The following DDX60 variants were observed in gnomAD, a reference collection of about 807,000 sequenced individuals.
DDX60 encodes the protein DExD/H-box helicase 60, also known as probable ATP-dependent RNA helicase DDX60.
In DDX60, 165 loss-of-function variants were observed where a neutral mutation model predicts 212.8. The ratio of observed to expected loss-of-function variants is 0.78; its 90% CI spans 0.68 to 0.88. The LOEUF is 0.88. DDX60 is among the 40% of genes least tolerant of loss of function. The probability of loss-of-function intolerance (pLI) is 0.00; values close to 1 mark genes in which losing one functional copy is unlikely to be tolerated. For missense variants in DDX60, 1,905 were observed against 2,003.9 expected, an observed-to-expected ratio of 0.95 and a Z score of 0.94; for synonymous variants, 703 against 685.3, an observed-to-expected ratio of 1.03 and a Z score of -0.40.
intron 22 of DDX60, among the ~76,000 whole-genome samples, chr4:168,267,271 C>A (rs1312913889): frequency 6.6e-6 from 1 of 152,090 alleles, no homozygotes; most frequent in Non-Finnish European, 1.5e-5. Flanking sequence ...GAGGGGTAGA[C>A]AGACAGACAT....
At chr4:168,274,796 T>G (rs941061671) in intron 16 of DDX60, among the ~76,000 whole-genome samples, 49 of 152,222 alleles carry the variant, frequency 3.2e-4, no homozygotes, top group Admixed American at 3.1e-3. Context: ...TCTATTAGAC[T>G]GAAGCTATAA....
At chr4:168,241,308 T>C (rs1733829114) in intron 30 of DDX60, among the ~76,000 whole-genome samples, 1 of 152,198 alleles carries the variant, frequency 6.6e-6, no homozygotes, top group Non-Finnish European at 1.5e-5. Context: ...GCTGAAAAGA[T>C]ACCTGAAAAT....
At chr4:168,235,923 C>T (rs755360109) in intron 33 of DDX60, 6 of 240,170 alleles carry the variant, frequency 2.5e-5, no homozygotes, top group African/African-American at 4.7e-5. Context: ...ACAGTATATT[C>T]GGTGATACAG....
At chr4:168,280,689 AC>A in intron 13 of DDX60, 99 bp from the exon 14 acceptor site, 1 of 1,320,050 alleles carries the variant, frequency 7.6e-7, no homozygotes, top group Non-Finnish European at 1.0e-6. Context: ...GAAGACTTTG[AC>A]CATCATCCCA....
chr4:168,275,622 T>G (rs1735300464), intron 15 of DDX60, 119 bp from the exon 16 acceptor site: 2 of 821,632 alleles, frequency 2.4e-6, no homozygotes, highest in East Asian at 5.8e-5. Flanking sequence ...CCTTTTAAAT[T>G]TAAATTTTTT....
intron 28 of DDX60, 57 bp from the exon 29 acceptor site, chr4:168,248,349 AT>A: frequency 7.7e-7 from 1 of 1,301,784 alleles, no homozygotes; most frequent in Non-Finnish European, 1.1e-6. Context: ...GAATGCAAGT[AT>A]TTCCTGTCAT....
At chr4:168,233,078 A>T (rs1733511672) in intron 33 of DDX60, among the ~76,000 whole-genome samples, 1 of 152,184 alleles carries the variant, frequency 6.6e-6, no homozygotes, top group African/African-American at 2.4e-5. Context: ...AAAAGAAAAT[A>T]TATAAATGGC....
chr4:168,314,003 C>G (rs1262920066), intron 1 of DDX60, among the ~76,000 whole-genome samples: 1 of 152,158 alleles, frequency 6.6e-6, no homozygotes, highest in Admixed American at 6.5e-5. Context: ...ATTTGACAAT[C>G]AAGGGATTCC....
At chr4:168,250,808 A>T in intron 28 of DDX60, 146 bp downstream of exon 28, 2 of 645,316 alleles carry the variant, frequency 3.1e-6, no homozygotes, top group South Asian at 4.3e-5. Context: ...TATAGGTATG[A>T]CCCATCACGC....
In DDX60 at chr4:168,261,999, C is replaced by T. The variant is rs1734642286; in HGVS notation, c.3273+1G>A. The stretch of plus-strand genomic sequence containing the variant: ...TTGGCCAAAAAGCGTATGAAAATTA[C>T]CTGCTCTACGTTGCCATTTTTAATC... On this transcript the variant is annotated splice_donor_variant, in intron 24 of 37. Transcript: ENST00000393743. LOFTEE classifies it high-confidence loss of function. The T allele has an allele frequency of 6.3e-7, 1 of 1,584,686 alleles. No homozygotes were observed. Among genetic ancestry groups the T allele is most frequent in the Non-Finnish European group, 8.5e-7 (1 of 1,170,338 alleles).
intron 29 of DDX60, among the ~76,000 whole-genome samples, chr4:168,246,877 T>C (rs1734042473): frequency 6.6e-6 from 1 of 152,102 alleles, no homozygotes; most frequent in South Asian, 2.1e-4. Context: ...GTAATATATA[T>C]CAAAGAAATA....
chr4:168,220,925 A>C (rs1393048995), intron 36 of DDX60, among the ~76,000 whole-genome samples: 1 of 152,160 alleles, frequency 6.6e-6, no homozygotes, highest in Non-Finnish European at 1.5e-5. Flanking sequence ...TCACAATCAT[A>C]TATAAGCAAT....
chr4:168,220,486 C>T, intron 37 of DDX60, 169 bp downstream of exon 37: 1 of 492,572 alleles, frequency 2.0e-6, no homozygotes. Flanking sequence ...AATAATACAA[C>T]ACGTGTTGAA....
At chr4:168,294,817 T>C (rs1287381205) in intron 6 of DDX60, among the ~76,000 whole-genome samples, 2 of 152,082 alleles carry the variant, frequency 1.3e-5, no homozygotes, top group African/African-American at 2.4e-5. Context: ...ATACATTTAA[T>C]AAGGAGTTAA....
intron 26 of DDX60, among the ~76,000 whole-genome samples, chr4:168,253,211 G>A (rs1665841116): frequency 6.6e-6 from 1 of 152,124 alleles, no homozygotes; most frequent in Non-Finnish European, 1.5e-5. Context: ...TATTTTCTGG[G>A]ATGTTCCTTT....
intron 31 of DDX60, 108 bp downstream of exon 31, chr4:168,237,583 T>C (rs1733673762): frequency 1.7e-6 from 2 of 1,148,230 alleles, no homozygotes; most frequent in East Asian, 2.6e-5. Flanking sequence ...TTATAAATAA[T>C]ATCAATCATT....
intron 7 of DDX60, 22 bp downstream of exon 7, chr4:168,293,765 A>G (rs1432461679): frequency 6.4e-7 from 1 of 1,568,988 alleles, no homozygotes; most frequent in Non-Finnish European, 8.6e-7. Context: ...AGTATTTCTC[A>G]GTAAAGTTAT....
intron 7 of DDX60, among the ~76,000 whole-genome samples, chr4:168,292,875 T>G (rs1016153233): frequency 4.6e-5 from 7 of 152,186 alleles, no homozygotes; most frequent in African/African-American, 1.7e-4. Context: ...TGAGAATGAT[T>G]TAAAATACTA....
At chr4:168,263,183 A>C (rs772791016) in intron 22 of DDX60, among the ~76,000 whole-genome samples, 4 of 152,174 alleles carry the variant, frequency 2.6e-5, no homozygotes, top group Non-Finnish European at 5.9e-5. Context: ...ATGTGTACCA[A>C]GCCAGGCTAA....
Sources: gnomAD v4.1 joint callset for allele counts (sites outside exome capture counted in the v4.1 genomes callset) on GRCh38, gnomAD v4.1.1 for gene constraint, MANE v1.5 for transcripts, NCBI Gene and HGNC (gene_info 2026-07-23, HGNC 2026-07-21) for gene names.